Variants in FCER1A observed in about 807,000 individuals in gnomAD.
FCER1A encodes the protein Fc epsilon receptor Ia.
Under a neutral mutation model 23.6 loss-of-function variants are expected in FCER1A, and 24 were observed. The observed-to-expected ratio is 1.02, with a 90% CI of 0.74 to 1.43. The LOEUF (loss-of-function observed/expected upper bound fraction) is 1.43. FCER1A is among the 40% of genes most tolerant of loss of function. The pLI is 0.00. For missense variants in FCER1A, 318 were observed against 294.5 expected, an observed-to-expected ratio of 1.08 and a Z score of -0.58; for synonymous variants, 121 against 108.8, an observed-to-expected ratio of 1.11 and a Z score of -0.70.
the FCER1A span, among the ~76,000 whole-genome samples, chr1:159,284,381 C>T: frequency 3.3e-5 from 5 of 152,160 alleles, no homozygotes; most frequent in African/African-American, 1.2e-4. Flanking sequence ...CATGAACTTC[C>T]AATAAGTTTA....
intron 3 of FCER1A, 32 bp downstream of exon 3, chr1:159,304,214 C>T (rs762701036): frequency 3.1e-6 from 5 of 1,599,358 alleles, no homozygotes; most frequent in Non-Finnish European, 3.4e-6. Flanking sequence ...ATACAGATCT[C>T]TCATGTGAGG....
At chr1:159,296,327 G>A (rs1398211587) in intron 1 of FCER1A, among the ~76,000 whole-genome samples, 3 of 152,030 alleles carry the variant, frequency 2.0e-5, no homozygotes, top group Non-Finnish European at 4.4e-5. Context: ...TTAATATAAA[G>A]AAGAAATAAA....
At chr1:159,302,279 C>A, upstream of FCER1A, 1 of 926,774 alleles carries the variant, frequency 1.1e-6, no homozygotes, top group Non-Finnish European at 1.8e-6. Flanking sequence ...ATACAGAAAA[C>A]ATTTCCTTCT....
intron 1 of FCER1A, among the ~76,000 whole-genome samples, chr1:159,294,666 T>G (rs1401856645): frequency 1.3e-5 from 2 of 152,146 alleles, no homozygotes; most frequent in African/African-American, 4.8e-5. Flanking sequence ...AATGACAGAG[T>G]GCTTGGAATA....
chr1:159,284,294 A>G, the FCER1A span, among the ~76,000 whole-genome samples: 1 of 152,160 alleles, frequency 6.6e-6, no homozygotes, highest in Non-Finnish European at 1.5e-5. Flanking sequence ...GGGAAAGGGG[A>G]GAAGACACTG....
upstream of FCER1A, among the ~76,000 whole-genome samples, chr1:159,300,445 A>G (rs1652402680): frequency 6.6e-6 from 1 of 152,172 alleles, no homozygotes; most frequent in African/African-American, 2.4e-5. Flanking sequence ...TAGGGCTTCA[A>G]ATATTGCCCT....
chr1:159,302,949 C>T, intron 2 of FCER1A, 75 bp downstream of exon 2: 1 of 1,347,552 alleles, frequency 7.4e-7, no homozygotes, highest in Non-Finnish European at 1.1e-6. Context: ...TTTTCTTCGT[C>T]CCATCACTTC....
At chr1:159,287,607 G>C (rs954551196), upstream of FCER1A, among the ~76,000 whole-genome samples, 1 of 151,074 alleles carries the variant, frequency 6.6e-6, no homozygotes, top group Non-Finnish European at 1.5e-5. Context: ...TGCTCTTTTA[G>C]AAATATGCAT....
intron 1 of FCER1A, among the ~76,000 whole-genome samples, chr1:159,293,901 G>A (rs548597370): frequency 3.3e-5 from 5 of 151,840 alleles, no homozygotes; most frequent in Non-Finnish European, 5.9e-5. Context: ...ATCAAAAAGT[G>A]GGCGAAGGAC....
intron 1 of FCER1A, among the ~76,000 whole-genome samples, chr1:159,296,841 A>G (rs765042549): frequency 3.3e-5 from 5 of 152,174 alleles, no homozygotes; most frequent in African/African-American, 9.7e-5. Context: ...AGGTGGTAAC[A>G]CAGAGTATGA....
chr1:159,298,174 G>A (rs906839457), upstream of FCER1A, among the ~76,000 whole-genome samples: 1 of 152,146 alleles, frequency 6.6e-6, no homozygotes, highest in African/African-American at 2.4e-5. Flanking sequence ...GTGAGTGGCT[G>A]ATTACATATC....
At chr1:159,306,268 A>AAGCATCCAT (rs1652612062) in intron 4 of FCER1A, 23 bp downstream of exon 4, 5 of 1,608,794 alleles carry the variant, frequency 3.1e-6, no homozygotes, top group Non-Finnish European at 4.2e-6. Flanking sequence ...AGGAAAGGAA[A>AAGCATCCAT]AGCATCCATA....
intron 3 of FCER1A, among the ~76,000 whole-genome samples, chr1:159,304,840 T>C (rs1418501844): frequency 2.0e-5 from 3 of 152,050 alleles, no homozygotes; most frequent in Admixed American, 2.0e-4. Context: ...GATCAAAAGG[T>C]TTGACTTAAA....
upstream of FCER1A, among the ~76,000 whole-genome samples, chr1:159,285,315 C>T (rs1383234291): frequency 6.6e-6 from 1 of 152,178 alleles, no homozygotes; most frequent in South Asian, 2.1e-4. Flanking sequence ...GTCTCATTTA[C>T]ACATTAAAAA....
intron 2 of FCER1A, 51 bp downstream of exon 2, chr1:159,302,925 C>T (rs1191563591): frequency 6.5e-7 from 1 of 1,541,632 alleles, no homozygotes; most frequent in Non-Finnish European, 9.0e-7. Context: ...CTGGGCATTG[C>T]TTTCCTCTCA....
upstream of FCER1A, among the ~76,000 whole-genome samples, chr1:159,286,583 T>C (rs571002275): frequency 9.2e-5 from 14 of 152,288 alleles, no homozygotes; most frequent in East Asian, 5.8e-4. Context: ...CCGCCCGCCT[T>C]GGCCTCCCAA....
chr1:159,303,330 C>T (rs1652495357), intron 2 of FCER1A, among the ~76,000 whole-genome samples: 1 of 152,136 alleles, frequency 6.6e-6, no homozygotes, highest in African/African-American at 2.4e-5. Context: ...CTTCTTTGGT[C>T]TCTGTTCAAA....
At chr1:159,287,846 A>G (rs1446137052), upstream of FCER1A, among the ~76,000 whole-genome samples, 1 of 151,086 alleles carries the variant, frequency 6.6e-6, no homozygotes, top group East Asian at 1.9e-4. Flanking sequence ...ATGATTTATT[A>G]GGTTGTAACA....
Position 159,306,080 on chromosome 1 carries a change from A to G in FCER1A, c.424A>G (p.Lys142Glu). 6.2e-7 allele frequency: 1 copy of G among 1,614,164 alleles called. No homozygotes were observed. The highest frequency in any genetic ancestry group is 2.2e-5 in the East Asian group (1 of 44,878). Residue 142 changes from lysine (K) to glutamate (E), a missense_variant, in exon 4 of 5, where the codon AAG becomes GAG. Transcript: ENST00000693622. ...TGGTTGGAGGAACTGGGATGTGTAC[A>G]AGGTGATCTATTATAAGGATGGTGA... Reference protein sequence around the residue: ...CHGWRNWDVYKVIYYKDGEAL... With the variant: ...CHGWRNWDVYEVIYYKDGEAL...
Sources: allele counts gnomAD v4.1 joint callset (sites outside exome capture counted in the v4.1 genomes callset), GRCh38; gene constraint gnomAD v4.1.1; transcripts MANE v1.5; gene names NCBI Gene and HGNC (gene_info 2026-07-23, HGNC 2026-07-21).